TXN2: variants seen among roughly 807,000 people sequenced by gnomAD.
The protein encoded by TXN2 is thioredoxin 2, also known as thioredoxin, mitochondrial.
Under a neutral mutation model 14.6 loss-of-function variants are expected in TXN2, and 12 were observed. The ratio of observed to expected loss-of-function variants is 0.82; its 90% CI spans 0.53 to 1.33. The LOEUF (loss-of-function observed/expected upper bound fraction) is 1.33. Ranked by LOEUF, TXN2 falls within the 40% of genes most tolerant of loss-of-function variation. The pLI is 0.00. For synonymous variants in TXN2, 89 were observed against 81.0 expected, an observed-to-expected ratio of 1.10 and a Z score of -0.53; for missense variants, 173 against 207.7, an observed-to-expected ratio of 0.83 and a Z score of 1.03.
At chr22:36,476,689 C>T in intron 3 of TXN2, 44 bp downstream of exon 3, 3 of 1,613,278 alleles carry the variant, frequency 1.9e-6, no homozygotes, top group Non-Finnish European at 2.5e-6. Context: ...GGCCTGACAC[C>T]TCCTATACTG....
At chr22:36,468,335 G>C (rs542507051) in intron 3 of TXN2, among the ~76,000 whole-genome samples, 1 of 152,252 alleles carries the variant, frequency 6.6e-6, no homozygotes, top group Non-Finnish European at 1.5e-5. Flanking sequence ...TAGCAAGGGG[G>C]CCTTGGCCGG....
rs997002167 is a variant in TXN2, at chr22:36,476,859, C to A, written c.264-3G>T. 6.2e-7 allele frequency: 1 copy of A among 1,614,184 alleles called. No individual in the cohort carries two copies. The highest frequency in any genetic ancestry group is 1.7e-5 in the Admixed American group (1 of 60,004). ...GGATCTTGCAGGGTCCACACCACCT[C>A]AAAAGGCGAGAAAGGAAGCATCCAG... On this transcript the variant is annotated splice_polypyrimidine_tract_variant and splice_region_variant and intron_variant, in intron 2 of 3. Coordinates refer to ENST00000216185, the MANE Select transcript of TXN2 (RefSeq NM_012473.4).
Position 36,470,054 on chromosome 22 carries a change from A to G in TXN2, c.388-2137T>C, listed in dbSNP as rs139346912. ...ACAAAGTAAGAGCAGAGATTCACAC[A>G]AACATACCAGGTCTTCACATATCCC... On this transcript the variant is annotated intron_variant, in intron 3 of 3. Coordinates refer to ENST00000216185, the MANE Select transcript of TXN2 (RefSeq NM_012473.4). Among the ~76,000 whole-genome samples, 145 of 152,358 alleles carry G rather than the reference A, an allele frequency of 9.5e-4. 3 individuals carry two copies. The Middle Eastern group carries it at 0.024, about 25-fold the overall frequency.
chr22:36,476,591 C>CA (rs879161371), intron 3 of TXN2, 142 bp downstream of exon 3: 42,398 of 905,354 alleles, frequency 0.047, no homozygotes, highest in South Asian at 0.059. Context: ...GATTCCGTCT[C>CA]AAAAAAAAAA....
chr22:36,479,120 T>C (rs2145827420), intron 2 of TXN2, among the ~76,000 whole-genome samples: 1 of 152,134 alleles, frequency 6.6e-6, no homozygotes, highest in South Asian at 2.1e-4. Flanking sequence ...GGTGACAGAG[T>C]GAGACCTTGT....
rs1201568580 is a variant in TXN2 at position 36,467,899 on chromosome 22, C to G, written c.406G>C (p.Val136Leu). Residue 136 changes from valine (V) to leucine (L), a missense_variant, in exon 4 of 4, where the codon GTG becomes CTG. Coordinates refer to ENST00000216185, the MANE Select transcript of TXN2 (RefSeq NM_012473.4). ...ACGTCCCCATTCTTCATGGCCAGCACAGTGGGCACCGCTGACACCTGGGTG... is the reference window on the plus strand; with the variant it reads ...ACGTCCCCATTCTTCATGGCCAGCAGAGTGGGCACCGCTGACACCTGGGTG... ...IEYEVSAVPT[V>L]LAMKNGDVVD... 1.2e-6 allele frequency: 2 copies of G among 1,614,122 alleles called. No individual in the cohort carries two copies. The highest frequency in any genetic ancestry group is 1.7e-6 in the Non-Finnish European group (2 of 1,180,038).
intron 3 of TXN2, among the ~76,000 whole-genome samples, chr22:36,473,096 G>C (rs568942587): frequency 1.7e-3 from 256 of 152,126 alleles, no homozygotes; most frequent in Non-Finnish European, 2.8e-3. Flanking sequence ...CACTTGAGGT[G>C]AGGAGTTTGA....
chr22:36,468,955 T>C (rs934755718), intron 3 of TXN2, among the ~76,000 whole-genome samples: 1 of 151,822 alleles, frequency 6.6e-6, no homozygotes, highest in South Asian at 2.1e-4. Context: ...GGTGAGAGAA[T>C]TGCTTGAACC....
At chr22:36,476,150 T>C (rs1933380736) in intron 3 of TXN2, among the ~76,000 whole-genome samples, 1 of 152,096 alleles carries the variant, frequency 6.6e-6, no homozygotes, top group African/African-American at 2.4e-5. Flanking sequence ...TGTGGGTAGA[T>C]GGATAAAGGA....
intron 3 of TXN2, among the ~76,000 whole-genome samples, chr22:36,475,860 C>T (rs1430335912): frequency 6.6e-6 from 1 of 152,220 alleles, no homozygotes; most frequent in Non-Finnish European, 1.5e-5. Flanking sequence ...CACGCTGTTT[C>T]CTCAGCCCTT....
chr22:36,476,649 C>T, intron 3 of TXN2, 84 bp downstream of exon 3: 1 of 1,582,708 alleles, frequency 6.3e-7, no homozygotes, highest in East Asian at 2.3e-5. Context: ...CCTGTGCTCC[C>T]CAAGATACCT....
intron 2 of TXN2, among the ~76,000 whole-genome samples, chr22:36,479,651 A>C (rs1311009461): frequency 6.6e-6 from 1 of 151,920 alleles, no homozygotes; most frequent in Non-Finnish European, 1.5e-5. Context: ...CTGAATTTTT[A>C]ACTTATGCTA....
At chr22:36,470,907 G>C (rs575513653) in intron 3 of TXN2, among the ~76,000 whole-genome samples, 1 of 152,264 alleles carries the variant, frequency 6.6e-6, no homozygotes, top group Admixed American at 6.5e-5. Flanking sequence ...TGTCAATGGA[G>C]GTCTGGTCAC....
At chr22:36,470,065 G>A (rs867560797) in intron 3 of TXN2, among the ~76,000 whole-genome samples, 1 of 152,154 alleles carries the variant, frequency 6.6e-6, no homozygotes, top group Non-Finnish European at 1.5e-5. Flanking sequence ...AACATACCAG[G>A]TCTTCACATA....
chr22:36,480,907 G>A, intron 1 of TXN2, 70 bp from the exon 2 acceptor site: 1 of 1,492,850 alleles, frequency 6.7e-7, no homozygotes, highest in South Asian at 1.4e-5. Context: ...AAGATTTGGG[G>A]AGTACTCAGG....
At chr22:36,476,152 G>C (rs1933380791) in intron 3 of TXN2, among the ~76,000 whole-genome samples, 1 of 152,160 alleles carries the variant, frequency 6.6e-6, no homozygotes, top group Non-Finnish European at 1.5e-5. Context: ...TGGGTAGATG[G>C]ATAAAGGAAT....
intron 3 of TXN2, among the ~76,000 whole-genome samples, chr22:36,469,136 G>A (rs1020204615): frequency 1.3e-5 from 2 of 152,230 alleles, no homozygotes; most frequent in African/African-American, 4.8e-5. Context: ...CAGGTGAGCT[G>A]GGGCACGCCC....
At chr22:36,481,489 C>A in intron 1 of TXN2, 75 bp downstream of exon 1, 1 of 830,230 alleles carries the variant, frequency 1.2e-6, no homozygotes, top group Non-Finnish European at 1.5e-6. Flanking sequence ...GCCCGGCCGC[C>A]AGCCTGCGCA....
chr22:36,477,790 G>GC (rs370054846), intron 2 of TXN2, among the ~76,000 whole-genome samples: 38 of 152,290 alleles, frequency 2.5e-4, no homozygotes, highest in African/African-American at 8.7e-4. Flanking sequence ...AGAAACCTGT[G>GC]CAAGATTAGA....
Sources: allele counts gnomAD v4.1 joint callset (sites outside exome capture counted in the v4.1 genomes callset), GRCh38; gene constraint gnomAD v4.1.1; transcripts MANE v1.5; gene names NCBI Gene and HGNC (gene_info 2026-07-23, HGNC 2026-07-21).